The following XXYLT1 variants were observed in gnomAD, a reference collection of about 807,000 sequenced individuals.
XXYLT1 encodes UDP-xylose:alpha-xyloside alpha-1,3-xylosyltransferase.
In XXYLT1, 20 loss-of-function variants were observed where a neutral mutation model predicts 28.9. That is an observed-to-expected ratio of 0.69 (90% confidence interval 0.49 to 1.00). XXYLT1 has a LOEUF of 1.00. Ranked by LOEUF, XXYLT1 falls within the 50% of genes least tolerant of loss-of-function variation. XXYLT1 has a pLI of 0.00. For synonymous variants in XXYLT1, 257 were observed against 253.8 expected, an observed-to-expected ratio of 1.01 and a Z score of -0.12; for missense variants, 542 against 560.1, an observed-to-expected ratio of 0.97 and a Z score of 0.33.
In XXYLT1 at chr3:195,162,802, C is replaced by T. The variant is rs115783733; in HGVS notation, c.653-6221G>A. Among the ~76,000 whole-genome samples, 965 of 152,236 alleles carry T rather than the reference C, an allele frequency of 6.3e-3. 3 individuals carry two copies. Among genetic ancestry groups the T allele is most frequent in the Non-Finnish European group, 0.011 (778 of 68,014 alleles). ...TTACATAAGACAGCACATATAACAC[C>T]CAATGTAAATTTCCCTCTCGCTTCT... On this transcript the variant is annotated intron_variant, in intron 2 of 3. Coordinates refer to ENST00000310380, the MANE Select transcript of XXYLT1 (RefSeq NM_152531.5).
intron 2 of XXYLT1, among the ~76,000 whole-genome samples, chr3:195,179,406 C>CA (rs1159580397): frequency 1.3e-5 from 2 of 151,746 alleles, no homozygotes; most frequent in African/African-American, 4.8e-5. Flanking sequence ...TTTCCAGCCC[C>CA]AAAACACTCT....
intron 3 of XXYLT1, among the ~76,000 whole-genome samples, chr3:195,125,307 C>A (rs776527286): frequency 6.6e-6 from 1 of 152,258 alleles, no homozygotes; most frequent in Non-Finnish European, 1.5e-5. Flanking sequence ...TTCGACCAAA[C>A]AGTCCTAAAA....
At chr3:195,213,839 C>G (rs908939704) in intron 2 of XXYLT1, among the ~76,000 whole-genome samples, 2 of 152,194 alleles carry the variant, frequency 1.3e-5, no homozygotes, top group African/African-American at 4.8e-5. Flanking sequence ...CCGGTGAGGC[C>G]TACATGGTCA....
intron 2 of XXYLT1, among the ~76,000 whole-genome samples, chr3:195,224,081 A>C (rs1387337425): frequency 6.6e-6 from 1 of 152,148 alleles, no homozygotes; most frequent in Non-Finnish European, 1.5e-5. Flanking sequence ...GCTTGAACCC[A>C]GGAGGCAGAG....
chr3:195,220,182 C>T (rs972071003), intron 2 of XXYLT1, among the ~76,000 whole-genome samples: 13 of 152,102 alleles, frequency 8.5e-5, no homozygotes, highest in Admixed American at 6.5e-5. Context: ...TACACTGTTA[C>T]CCCGGCTGGA....
intron 3 of XXYLT1, among the ~76,000 whole-genome samples, chr3:195,110,401 T>TGTG (rs1717549394): frequency 6.2e-5 from 1 of 16,136 alleles, no homozygotes; most frequent in Non-Finnish European, 1.5e-4. Flanking sequence ...GTGTGTTATG[T>TGTG]GTGTATAAGT....
At chr3:195,110,548 G>A (rs1173976754) in intron 3 of XXYLT1, among the ~76,000 whole-genome samples, 2 of 56,078 alleles carry the variant, frequency 3.6e-5, no homozygotes, top group Non-Finnish European at 8.5e-5. Context: ...TGTGTGTGGT[G>A]TGTGTGTGGT....
chr3:195,234,061 C>T (rs911775247), intron 1 of XXYLT1, among the ~76,000 whole-genome samples: 8 of 150,998 alleles, frequency 5.3e-5, no homozygotes, highest in South Asian at 2.1e-4. Context: ...GGACTACAGA[C>T]GCCCGCCACT....
intron 2 of XXYLT1, chr3:195,175,643 T>C: frequency 1.3e-6 from 2 of 1,536,142 alleles, no homozygotes; most frequent in Non-Finnish European, 1.7e-6. Context: ...GCACTCTGCC[T>C]TCCTGGATCC....
intron 3 of XXYLT1, among the ~76,000 whole-genome samples, chr3:195,101,536 T>C (rs147116526): frequency 6.6e-6 from 1 of 152,380 alleles, no homozygotes; most frequent in African/African-American, 2.4e-5. Context: ...TTTTGTATAC[T>C]ACATATTTCA....
At chr3:195,110,127 T>TAA (rs1717447368) in intron 3 of XXYLT1, among the ~76,000 whole-genome samples, 1 of 49,502 alleles carries the variant, frequency 2.0e-5, no homozygotes, top group African/African-American at 7.5e-5. Flanking sequence ...GTGTGGTGTG[T>TAA]GTGTGTGTGG....
intron 3 of XXYLT1, chr3:195,122,278 T>C (rs1008821175): frequency 9.0e-6 from 6 of 667,042 alleles, no homozygotes; most frequent in African/African-American, 1.8e-5. Context: ...TTTGGGGGGA[T>C]ACAATTATTC....
At chr3:195,242,382 G>T (rs1183981906) in intron 1 of XXYLT1, among the ~76,000 whole-genome samples, 1 of 152,150 alleles carries the variant, frequency 6.6e-6, no homozygotes, top group African/African-American at 2.4e-5. Context: ...TTGTCAGTAG[G>T]AGCTGTTGCC....
chr3:195,130,496 C>A (rs755131309), intron 3 of XXYLT1, among the ~76,000 whole-genome samples: 1 of 152,202 alleles, frequency 6.6e-6, no homozygotes, highest in Non-Finnish European at 1.5e-5. Flanking sequence ...AAGTCATTAG[C>A]AGAATGCTTC....
chr3:195,093,544 G>A (rs377154198), intron 3 of XXYLT1, among the ~76,000 whole-genome samples: 2 of 145,270 alleles, frequency 1.4e-5, no homozygotes, highest in African/African-American at 2.6e-5. Context: ...GTGGTGGGAG[G>A]GGGGAGGGAT....
intron 3 of XXYLT1, among the ~76,000 whole-genome samples, chr3:195,080,726 C>T (rs746131894): frequency 2.6e-5 from 4 of 152,218 alleles, no homozygotes; most frequent in Non-Finnish European, 5.9e-5. Flanking sequence ...GTGGGAAAGG[C>T]GGCAGGGAGG....
At chr3:195,102,013 G>A (rs561952159) in intron 3 of XXYLT1, among the ~76,000 whole-genome samples, 15 of 102,602 alleles carry the variant, frequency 1.5e-4, no homozygotes, top group African/African-American at 6.2e-4. Context: ...AGAAAGTAAA[G>A]AAACAGAAAA....
intron 1 of XXYLT1, among the ~76,000 whole-genome samples, chr3:195,248,873 T>C (rs1036878033): frequency 1.3e-5 from 2 of 152,162 alleles, no homozygotes; most frequent in African/African-American, 2.4e-5. Context: ...TGAGCCAAGA[T>C]TGCGCCACTG....
At chr3:195,119,822 A>C (rs1434949924) in intron 3 of XXYLT1, among the ~76,000 whole-genome samples, 1 of 152,122 alleles carries the variant, frequency 6.6e-6, no homozygotes, top group African/African-American at 2.4e-5. Flanking sequence ...TCCTAAGATC[A>C]CAGAATCATC....
Sources: allele counts gnomAD v4.1 joint callset (sites outside exome capture counted in the v4.1 genomes callset), GRCh38; gene constraint gnomAD v4.1.1; transcripts MANE v1.5; gene names NCBI Gene and HGNC (gene_info 2026-07-23, HGNC 2026-07-21).